Variants in TNS1 observed in about 807,000 individuals in gnomAD.
TNS1 encodes the protein tensin-1.
A neutral mutation model predicts 168.6 loss-of-function variants in TNS1; 62 were observed. The ratio of observed to expected loss-of-function variants is 0.37; its 90% confidence interval spans 0.30 to 0.45. The LOEUF is 0.45. TNS1 is among the 20% of genes least tolerant of loss of function. The pLI, the probability that TNS1 is intolerant of heterozygous loss-of-function variation, is 1.00. For missense variants in TNS1, 2,240 were observed against 2,339.4 expected (o/e 0.96, Z 0.88); for synonymous variants, 934 against 933.2 (o/e 1.00, Z -0.02).
chr2:217,923,272 A>G (rs1955830516), intron 3 of TNS1, among the ~76,000 whole-genome samples: 1 of 152,198 alleles, frequency 6.6e-6, no homozygotes. Context: ...CCCCCAGTGG[A>G]CCTCAAGCAA....
At chr2:217,884,748 G>A (rs1951030854) in intron 16 of TNS1, among the ~76,000 whole-genome samples, 1 of 152,090 alleles carries the variant, frequency 6.6e-6, no homozygotes, top group Admixed American at 6.5e-5. Flanking sequence ...CAAACTGGGA[G>A]GACAAGATGA....
In TNS1 at chr2:217,836,094, C is replaced by T. The variant is rs1233303047; in HGVS notation, c.3125G>A (p.Gly1042Glu). The T allele has an allele frequency of 7.4e-6, 12 of 1,614,062 alleles. No individual in the cohort carries two copies. The highest frequency in any genetic ancestry group is 9.3e-6 in the Non-Finnish European group (11 of 1,179,996). Residue 1042 changes from glycine to glutamate, a missense_variant, in exon 20 of 33, where the codon GGG (glycine) becomes GAG (glutamate). By Grantham distance (98) the Gly-to-Glu change is moderately conservative. This residue lies in a region of TNS1 where 2,131 missense variants were observed against 2,171.2 expected (regional missense o/e 0.98). Coordinates refer to ENST00000682258, the MANE Select transcript of TNS1 (RefSeq NM_001387777.1). ...GACACACTGGACAGGGGAGCGAACC[C>T]CAGGGCTACGAGGGGATGTGGCTTC... is the stretch of plus-strand genomic sequence containing the variant. ...SPEATSPRSP[G>E]VRSPVQCVSP...
At chr2:217,869,480 T>A (rs989061178) in intron 18 of TNS1, among the ~76,000 whole-genome samples, 1 of 152,106 alleles carries the variant, frequency 6.6e-6, no homozygotes, top group African/African-American at 2.4e-5. Flanking sequence ...GGCTGGAGCC[T>A]GAAGGCAAGA....
chr2:217,886,860 C>T (rs1291811901), intron 12 of TNS1, among the ~76,000 whole-genome samples: 1 of 152,152 alleles, frequency 6.6e-6, no homozygotes, highest in African/African-American at 2.4e-5. Flanking sequence ...GTATACCAGA[C>T]CTAGAGCTGG....
At chr2:218,028,743 G>A (rs919529612) in intron 1 of TNS1, among the ~76,000 whole-genome samples, 1 of 152,212 alleles carries the variant, frequency 6.6e-6, no homozygotes, top group African/African-American at 2.4e-5. Flanking sequence ...GAGGCAGAAG[G>A]GCTGGCCAAA....
chr2:217,864,543 G>A (rs1252168304), intron 18 of TNS1, among the ~76,000 whole-genome samples: 1 of 152,198 alleles, frequency 6.6e-6, no homozygotes, highest in African/African-American at 2.4e-5. Flanking sequence ...AGGAGGCAAA[G>A]GTTTAGATCT....
intron 12 of TNS1, among the ~76,000 whole-genome samples, chr2:217,887,183 A>T (rs1951286353): frequency 6.6e-6 from 1 of 152,354 alleles, no homozygotes; most frequent in East Asian, 1.9e-4. Flanking sequence ...GTAGTTCTTC[A>T]CTTTCTCTAC....
chr2:217,944,269 A>G (rs1957045070), intron 3 of TNS1: 1 of 152,354 alleles, frequency 6.6e-6, no homozygotes, highest in Non-Finnish European at 1.5e-5. Flanking sequence ...CACCTGGGGC[A>G]GGAGATCACC....
chr2:217,870,918 G>T (rs760827909), intron 18 of TNS1, among the ~76,000 whole-genome samples: 1 of 152,222 alleles, frequency 6.6e-6, no homozygotes, highest in Non-Finnish European at 1.5e-5. Context: ...CTTTTTACCC[G>T]CAAGGTCAGG....
intron 12 of TNS1, among the ~76,000 whole-genome samples, chr2:217,887,041 G>C (rs1559303013): frequency 6.6e-6 from 1 of 152,090 alleles, no homozygotes; most frequent in African/African-American, 2.4e-5. Context: ...CCACCAAACA[G>C]CTCTGACGCC....
upstream of TNS1, among the ~76,000 whole-genome samples, chr2:218,012,641 C>T (rs1034082415): frequency 1.6e-4 from 24 of 152,148 alleles, no homozygotes; most frequent in African/African-American, 5.3e-4. Flanking sequence ...TCTGGCCCCC[C>T]ACCCCCCATA....
intron 2 of TNS1, among the ~76,000 whole-genome samples, chr2:217,979,280 C>A (rs1957978986): frequency 6.6e-6 from 1 of 151,956 alleles, no homozygotes; most frequent in South Asian, 2.1e-4. Flanking sequence ...AGGAGCGGGC[C>A]CACGCATATA....
chr2:217,918,504 G>A (rs16858459), intron 4 of TNS1, among the ~76,000 whole-genome samples: 2 of 152,126 alleles, frequency 1.3e-5, no homozygotes, highest in Admixed American at 6.5e-5. Context: ...GCTCAGGCAC[G>A]AGTCTCTTCT....
chr2:217,841,097 G>C (rs1945886601), intron 19 of TNS1: 2 of 431,112 alleles, frequency 4.6e-6, no homozygotes, highest in South Asian at 9.9e-5. Context: ...AGGTGGGAAA[G>C]ATTTGGAAGG....
Position 217,818,337 on chromosome 2 carries a change from C to T in TNS1, c.3995G>A (p.Ser1332Asn). 1.2e-6 allele frequency: 2 copies of T among 1,614,138 alleles called. No individual in the cohort carries two copies. The highest frequency in any genetic ancestry group is 1.7e-6 in the Non-Finnish European group (2 of 1,180,032). ...MGPPGTGFHGSTVSSPQSSAA... is the reference protein window; with the variant it reads ...MGPPGTGFHGNTVSSPQSSAA... Reference sequence around the variant, plus strand: ...ACTGCTCTGGGGGCTGGAGACAGTGCTACCATGGAAGCCAGTGCCTGGTGG... The same window carrying T: ...ACTGCTCTGGGGGCTGGAGACAGTGTTACCATGGAAGCCAGTGCCTGGTGG... Residue 1332 changes from serine (S) to asparagine (N), a missense_variant, in exon 24 of 33, where the codon AGC becomes AAC. Transcript: ENST00000682258.
chr2:217,895,446 T>C (rs1215354197), intron 8 of TNS1, among the ~76,000 whole-genome samples: 3 of 152,216 alleles, frequency 2.0e-5, no homozygotes, highest in Non-Finnish European at 2.9e-5. Context: ...ATGTCCCGAA[T>C]GGAAGACGAG....
At chr2:218,021,893 A>G (rs1331925541) in intron 1 of TNS1, among the ~76,000 whole-genome samples, 3 of 152,244 alleles carry the variant, frequency 2.0e-5, no homozygotes, top group African/African-American at 4.8e-5. Flanking sequence ...ACTGTGGATC[A>G]GCAGGCTGGC....
In TNS1 at chr2:217,849,555, C is replaced by T. The variant is rs58131415; in HGVS notation, c.1430-468G>A. ...GACATGCTGAGACCAGTTCCTGGCA[C>T]GTGATGGGAGTTCAACAGCTGGGAG... is the stretch of plus-strand genomic sequence containing the variant. On this transcript the variant is annotated intron_variant, in intron 18 of 32. Transcript: ENST00000682258. 0.01 allele frequency: 7,291 copies of T among 710,054 alleles called. 436 individuals carry two copies. The African/African-American group carries it at 0.13, about 13-fold the overall frequency. The allele number at this position is 710,054 out of a possible 1,614,324, so 44.0% of individuals were successfully genotyped here.
Position 217,815,156 on chromosome 2 carries a change from G to A in TNS1, c.4643-158C>T, listed in dbSNP as rs113995420. On this transcript the variant is annotated intron_variant, in intron 24 of 32. Coordinates refer to ENST00000682258, the MANE Select transcript of TNS1 (RefSeq NM_001387777.1). ...TTAAGATGAGGTCACACAGGATTAGGGTGAGCCTTAATCCAGTATGCCTGT... is the reference window on the plus strand; with the variant it reads ...TTAAGATGAGGTCACACAGGATTAGAGTGAGCCTTAATCCAGTATGCCTGT... 1.9e-3 allele frequency: 1,222 copies of A among 637,666 alleles called. 6 individuals are homozygous for A. Among genetic ancestry groups the A allele is most frequent in the African/African-American group, 0.015 (837 of 55,422 alleles). The allele number at this position is 637,666 out of a possible 1,614,324, so 39.5% of individuals were successfully genotyped here.
Sources: gnomAD v4.1 joint callset for allele counts (sites outside exome capture counted in the v4.1 genomes callset) on GRCh38, gnomAD v4.1.1 for gene constraint, gnomAD v4.1.1 regional missense constraint, MANE v1.5 for transcripts, NCBI Gene and HGNC (gene_info 2026-07-23, HGNC 2026-07-21) for gene names.